The following ADAM17 variants were observed in gnomAD, a reference collection of about 807,000 sequenced individuals.
ADAM17 encodes disintegrin and metalloproteinase domain-containing protein 17.
A neutral mutation model predicts 96.7 loss-of-function variants in ADAM17; 39 were observed. That is an observed-to-expected ratio of 0.40 (90% CI 0.31 to 0.53). The LOEUF (loss-of-function observed/expected upper bound fraction) is 0.53, where lower values mean the gene tolerates loss of function less well. ADAM17 is among the 20% of genes least tolerant of loss of function. The probability of loss-of-function intolerance (pLI) is 0.44; values close to 1 mark genes in which losing one functional copy is unlikely to be tolerated. For synonymous variants in ADAM17, 344 were observed against 359.2 expected (o/e 0.96, Z 0.48); for missense variants, 777 against 1,013.2 (o/e 0.77, Z 3.17).
chr2:9,509,838 C>A, intron 11 of ADAM17, 141 bp downstream of exon 11: 2 of 1,093,394 alleles, frequency 1.8e-6, no homozygotes, highest in Non-Finnish European at 2.6e-6. Context: ...AAACACACAA[C>A]CACGTTTCAA....
chr2:9,519,621 A>C (rs185244181), intron 8 of ADAM17, among the ~76,000 whole-genome samples: 29 of 152,302 alleles, frequency 1.9e-4, no homozygotes, highest in Admixed American at 1.1e-3. Context: ...CTCTATCTGG[A>C]AACAGGGCCC....
chr2:9,494,576 A>T, intron 15 of ADAM17, 61 bp downstream of exon 15: 1 of 1,588,438 alleles, frequency 6.3e-7, no homozygotes, highest in Non-Finnish European at 8.6e-7. Context: ...AAAATCAAGT[A>T]CTTACAAAAT....
intron 10 of ADAM17, among the ~76,000 whole-genome samples, chr2:9,514,777 A>G (rs1663975941): frequency 6.6e-6 from 1 of 151,436 alleles, no homozygotes; most frequent in African/African-American, 2.4e-5. Flanking sequence ...TGGGAGGCTG[A>G]GGCAAGAGAA....
At position 9,509,962 on chromosome 2, in the gene ADAM17, TCTC is replaced by T; in HGVS notation, c.1344+14_1344+16del. 6.2e-7 allele frequency: 1 copy of T among 1,613,050 alleles called. No homozygotes were observed. ...CCTCTTTCCAAACCACATAAAAAATTCTCGACACACACATACCTTATTGTTCTC... is the reference window on the plus strand; with the variant it reads ...CCTCTTTCCAAACCACATAAAAAATTGACACACACATACCTTATTGTTCTC... On this transcript the variant is annotated intron_variant, in intron 11 of 18. Transcript: ENST00000310823.
At chr2:9,528,696 T>C (rs1664624672) in intron 4 of ADAM17, among the ~76,000 whole-genome samples, 2 of 152,162 alleles carry the variant, frequency 1.3e-5, no homozygotes, top group South Asian at 4.1e-4. Context: ...ACAAAAAATA[T>C]ATTTATCTCC....
chr2:9,491,022 G>C (rs770292932), intron 18 of ADAM17, 79 bp downstream of exon 18: 2 of 1,305,932 alleles, frequency 1.5e-6, no homozygotes, highest in Non-Finnish European at 1.1e-6. Context: ...GAAAGCTCTT[G>C]CTGGGTCAGG....
At chr2:9,544,011 T>C (rs1665316692) in intron 1 of ADAM17, among the ~76,000 whole-genome samples, 1 of 152,156 alleles carries the variant, frequency 6.6e-6, no homozygotes, top group Non-Finnish European at 1.5e-5. Context: ...ATATCACATG[T>C]ACCCAAAAAA....
chr2:9,534,218 A>G (rs1235735377), intron 4 of ADAM17, among the ~76,000 whole-genome samples: 1 of 152,114 alleles, frequency 6.6e-6, no homozygotes, highest in African/African-American at 2.4e-5. Context: ...AAAATACAAA[A>G]ATTAGCCAGG....
chr2:9,551,568 T>A (rs2125046653), intron 1 of ADAM17, among the ~76,000 whole-genome samples: 1 of 152,178 alleles, frequency 6.6e-6, no homozygotes, highest in African/African-American at 2.4e-5. Context: ...CACACCATTC[T>A]CCTGCCTCAG....
At chr2:9,514,403 T>C (rs1208045594) in intron 10 of ADAM17, among the ~76,000 whole-genome samples, 15 of 146,202 alleles carry the variant, frequency 1.0e-4, no homozygotes, top group South Asian at 2.3e-4. Flanking sequence ...TTAGGAGATA[T>C]ACCTAATGTA....
At chr2:9,553,070 GA>G (rs796312841) in intron 1 of ADAM17, among the ~76,000 whole-genome samples, 1 of 149,970 alleles carries the variant, frequency 6.7e-6, no homozygotes. Flanking sequence ...CAAACAAACT[GA>G]AAAAAAAAGT....
intron 10 of ADAM17, among the ~76,000 whole-genome samples, chr2:9,514,559 AT>A (rs1177421339): frequency 7.8e-5 from 10 of 127,956 alleles, no homozygotes; most frequent in Non-Finnish European, 1.1e-4. Context: ...ATATATATAT[AT>A]ATATATATAA....
intron 4 of ADAM17, among the ~76,000 whole-genome samples, chr2:9,529,151 G>GA: frequency 6.6e-6 from 1 of 152,318 alleles, no homozygotes; most frequent in Non-Finnish European, 1.5e-5. Flanking sequence ...TATTCTAAGT[G>GA]AAAGAAGCCA....
chr2:9,514,036 A>G (rs1195562414), intron 10 of ADAM17, among the ~76,000 whole-genome samples: 1 of 151,796 alleles, frequency 6.6e-6, no homozygotes, highest in Non-Finnish European at 1.5e-5. Context: ...AAAAGAAAAA[A>G]AGAAATTAAA....
At chr2:9,506,136 C>A (rs1241471196) in intron 11 of ADAM17, among the ~76,000 whole-genome samples, 1 of 152,190 alleles carries the variant, frequency 6.6e-6, no homozygotes, top group East Asian at 1.9e-4. Context: ...AGCATAGTTA[C>A]TTCTTAGGTC....
In ADAM17 at chr2:9,530,795, G is replaced by A. The variant is rs976429011; in HGVS notation, c.451-2841C>T. 2.6e-5 allele frequency among the ~76,000 whole-genome samples: 4 copies of A among 152,144 alleles called. No individual in the cohort carries two copies. The East Asian group carries it at 7.7e-4, about 29-fold the overall frequency. On this transcript the variant is annotated intron_variant, in intron 4 of 18. Transcript: ENST00000310823. ...CATACAGAAGTATTTAGGGGTGAAG[G>A]GTCATGATGTTTGCAAATGATTTTC... is the stretch of plus-strand genomic sequence containing the variant.
At chr2:9,513,167 G>A (rs1663837581) in intron 10 of ADAM17, among the ~76,000 whole-genome samples, 2 of 152,026 alleles carry the variant, frequency 1.3e-5, no homozygotes, top group South Asian at 4.2e-4. Context: ...GCTAATTTTT[G>A]TATTTTTAGT....
chr2:9,505,410 AATGTATTCCC>A, intron 11 of ADAM17, 45 bp from the exon 12 acceptor site: 1 of 1,546,424 alleles, frequency 6.5e-7, no homozygotes, highest in Non-Finnish European at 8.9e-7. Context: ...ATATCATAAA[AATGTATTCCC>A]ATGCAATGTT....
chr2:9,539,335 C>CTGACCTCA (rs1339470625), intron 2 of ADAM17, among the ~76,000 whole-genome samples: 3 of 152,114 alleles, frequency 2.0e-5, no homozygotes, highest in African/African-American at 2.4e-5. Context: ...TCTCGATCTC[C>CTGACCTCA]TGACCTCATG....
Sources: allele counts gnomAD v4.1 joint callset (sites outside exome capture counted in the v4.1 genomes callset), GRCh38; gene constraint gnomAD v4.1.1; transcripts MANE v1.5; gene names NCBI Gene and HGNC (gene_info 2026-07-23, HGNC 2026-07-21).